Variants in PCGF2 observed in about 807,000 individuals in gnomAD.
The protein encoded by PCGF2 is polycomb group ring finger 2, also known as polycomb group RING finger protein 2.
PCGF2 carries 8 observed loss-of-function variants against 36.1 expected under a neutral mutation model. That is an observed-to-expected ratio of 0.22 (90% CI 0.13 to 0.40). PCGF2 has a LOEUF of 0.40. PCGF2 is among the 10% of genes least tolerant of loss of function. PCGF2 has a pLI of 1.00. For missense variants in PCGF2, 436 were observed against 475.9 expected, an observed-to-expected ratio of 0.92 and a Z score of 0.78; for synonymous variants, 198 against 191.2, an observed-to-expected ratio of 1.04 and a Z score of -0.29.
At chr17:38,735,741 C>T in intron 10 of PCGF2, 141 bp from the exon 11 acceptor site, 1 of 1,174,808 alleles carries the variant, frequency 8.5e-7, no homozygotes. Context: ...AGGAGAGAGA[C>T]AAGGATACAG....
At chr17:38,741,254 G>C (rs1341297044) in intron 2 of PCGF2, among the ~76,000 whole-genome samples, 1 of 151,818 alleles carries the variant, frequency 6.6e-6, no homozygotes, top group Non-Finnish European at 1.5e-5. Flanking sequence ...CTGGGCGACA[G>C]AGCGAGACTC....
At chr17:38,749,678 GCCTC>G, upstream of PCGF2, 1 of 456,064 alleles carries the variant, frequency 2.2e-6, no homozygotes, top group South Asian at 1.5e-5. The surrounding 1 kb of genome is among the most constrained non-coding windows in gnomAD (Gnocchi z 6.5). Context: ...TGGAGCGCCT[GCCTC>G]CTCTTCCCTC....
Position 38,735,154 on chromosome 17 carries a change from A to C in PCGF2, c.*69T>G. 8.3e-7 allele frequency: 1 copy of C among 1,209,638 alleles called. No individual in the cohort carries two copies. Among genetic ancestry groups the C allele is most frequent in the Non-Finnish European group, 1.1e-6 (1 of 933,396 alleles). The allele number at this position is 1,209,638 out of a possible 1,614,324, so 74.9% of individuals were successfully genotyped here. On this transcript the variant is annotated 3_prime_UTR_variant, in exon 11 of 11. Coordinates refer to ENST00000620225, the MANE Select transcript of PCGF2 (RefSeq NM_007144.3). ...GAGCTGGGGAAAGTAGAAGAGGTGG[A>C]AAAAAGGGCCCAGAAAAAGTGGAAG...
chr17:38,749,189 G>A (rs1907759115), upstream of PCGF2, among the ~76,000 whole-genome samples: 1 of 152,366 alleles, frequency 6.6e-6, no homozygotes, highest in African/African-American at 2.4e-5. This position sits in a 1 kb window ranked among gnomAD's most constrained non-coding sequence, Gnocchi z 6.5. Context: ...GAAACGAGGC[G>A]CCGGGCTGTA....
At chr17:38,735,945 C>T in intron 10 of PCGF2, 145 bp downstream of exon 10, 1 of 674,562 alleles carries the variant, frequency 1.5e-6, no homozygotes, top group Non-Finnish European at 2.6e-6. Flanking sequence ...AGAGGCTGAC[C>T]TGCTGTAGCA....
intron 2 of PCGF2, among the ~76,000 whole-genome samples, chr17:38,744,500 C>T (rs1276309739): frequency 3.9e-5 from 6 of 152,258 alleles, no homozygotes; most frequent in African/African-American, 1.4e-4. Flanking sequence ...GGAATACAGG[C>T]GTGTGCCACC....
chr17:38,746,727 G>T (rs1907557009), intron 2 of PCGF2: 1 of 152,324 alleles, frequency 6.6e-6, no homozygotes. Context: ...ACTTCAACTT[G>T]AACCCTACCT....
intron 2 of PCGF2, among the ~76,000 whole-genome samples, chr17:38,743,714 G>A (rs1405821879): frequency 1.3e-5 from 2 of 152,108 alleles, no homozygotes; most frequent in Non-Finnish European, 2.9e-5. Flanking sequence ...GCAGGGCCCT[G>A]CCAGCAGGTG....
rs1598011298 is a variant in PCGF2, at chr17:38,735,145, A to G, written c.*78T>C. 1.8e-6 allele frequency: 2 copies of G among 1,129,536 alleles called. No individual in the cohort carries two copies. The highest frequency in any genetic ancestry group is 6.0e-5 in the East Asian group (2 of 33,422). 70.0% of individuals were successfully genotyped at this position (1,129,536 alleles called of 1,614,324 possible). ...AGGTGGGAAGAGCTGGGGAAAGTAG[A>G]AGAGGTGGAAAAAAGGGCCCAGAAA... On this transcript the variant is annotated 3_prime_UTR_variant, in exon 11 of 11. Coordinates refer to ENST00000620225, the MANE Select transcript of PCGF2 (RefSeq NM_007144.3).
chr17:38,737,280 T>A (rs1321133872), intron 9 of PCGF2, among the ~76,000 whole-genome samples: 1 of 152,060 alleles, frequency 6.6e-6, no homozygotes, highest in Non-Finnish European at 1.5e-5. Flanking sequence ...CTGGCCAACA[T>A]GGTGAAACCC....
intron 9 of PCGF2, 151 bp from the exon 10 acceptor site, chr17:38,736,321 T>C (rs972276289): frequency 3.2e-5 from 21 of 656,352 alleles, no homozygotes; most frequent in Non-Finnish European, 5.3e-5. Flanking sequence ...TTGACTTCCC[T>C]GTCAGAGTTG....
At chr17:38,741,197 G>A (rs917228491) in intron 2 of PCGF2, among the ~76,000 whole-genome samples, 3 of 151,604 alleles carry the variant, frequency 2.0e-5, no homozygotes. Flanking sequence ...CTTGAGTCTG[G>A]GTGGTCGAGG....
At position 38,740,434 on chromosome 17, in the gene PCGF2, A is replaced by T; in HGVS notation, c.-32T>A. 9.6e-7 allele frequency: 1 copy of T among 1,039,624 alleles called. No homozygotes were observed. The highest frequency in any genetic ancestry group is 1.7e-5 in the African/African-American group (1 of 60,136). 64.4% of individuals were successfully genotyped at this position (1,039,624 alleles called of 1,614,324 possible). A position where few individuals can be genotyped will look rare whatever the true frequency, so the allele number is the denominator to read the frequency against. ...GGGGTCGGGGGTGGGGGGACTGGGG[A>T]GCGTTGCCCTGGGAAACGGAAGTGG... On this transcript the variant is annotated 5_prime_UTR_variant, in exon 3 of 11. Coordinates refer to ENST00000620225, the MANE Select transcript of PCGF2 (RefSeq NM_007144.3).
Position 38,739,300 on chromosome 17 carries a change from G to C in PCGF2, c.210-47C>G, listed in dbSNP as rs374299797. On this transcript the variant is annotated intron_variant, in intron 4 of 10. Transcript: ENST00000620225. The surrounding 1 kb of genome is among the most constrained non-coding windows in gnomAD (Gnocchi z 4.0). ...TTATCAGCAATGCCTTCTCCAGAGC[G>C]CTCCGACCTCGCCCTGCTCTCCCAG... The C allele has an allele frequency of 6.5e-7, 1 of 1,548,132 alleles. No homozygotes were observed. The highest frequency in any genetic ancestry group is 1.4e-5 in the African/African-American group (1 of 73,610).
chr17:38,734,997 A>G lies in PCGF2; in HGVS notation c.*226T>C. 2.7e-6 allele frequency: 1 copy of G among 369,712 alleles called. No homozygotes were observed. The highest frequency in any genetic ancestry group is 4.8e-6 in the Non-Finnish European group (1 of 209,210). The allele number at this position is 369,712 out of a possible 1,614,324, so 22.9% of individuals were successfully genotyped here. On this transcript the variant is annotated 3_prime_UTR_variant, in exon 11 of 11. Coordinates refer to ENST00000620225, the MANE Select transcript of PCGF2 (RefSeq NM_007144.3). Reference sequence around the variant, plus strand: ...TTTTCCACACATACACACACACATAAAGTTTGTTTCCTGTGGCATTTAAAT... The same window carrying G: ...TTTTCCACACATACACACACACATAGAGTTTGTTTCCTGTGGCATTTAAAT...
chr17:38,742,002 C>A (rs1236871285), intron 2 of PCGF2, among the ~76,000 whole-genome samples: 1 of 152,184 alleles, frequency 6.6e-6, no homozygotes, highest in African/African-American at 2.4e-5. Context: ...CACAGGCTGT[C>A]CAGTGACAAA....
upstream of PCGF2, among the ~76,000 whole-genome samples, chr17:38,749,095 C>T (rs2143178466): frequency 6.6e-6 from 1 of 152,300 alleles, no homozygotes; most frequent in East Asian, 1.9e-4. This position sits in a 1 kb window ranked among gnomAD's most constrained non-coding sequence, Gnocchi z 6.5. Context: ...CAGAGAAGAA[C>T]GGAGGCCCGC....
Position 38,739,214 on chromosome 17 carries a change from G to A in PCGF2, c.249C>T (p.Val83=). Residue 83 remains valine (V), a synonymous_variant, in exon 5 of 11, where the codon GTC becomes GTT. Transcript: ENST00000620225. This position sits in a 1 kb window ranked among gnomAD's most constrained non-coding sequence, Gnocchi z 4.0. Reference sequence around the variant, plus strand: ...TGCAGATACCTTTAAAAAGCCCAGGGACCAATTTGTAGACAATGTCTTGAA... The same window carrying A: ...TGCAGATACCTTTAAAAAGCCCAGGAACCAATTTGTAGACAATGTCTTGAA... The part of the protein sequence containing the change: ...KTLQDIVYKL[V]PGLFKDEMKR... The A allele has an allele frequency of 6.2e-7, 1 of 1,614,132 alleles. No homozygotes were observed. The highest frequency in any genetic ancestry group is 1.1e-5 in the South Asian group (1 of 91,076).
intron 2 of PCGF2, among the ~76,000 whole-genome samples, chr17:38,744,474 A>G (rs1049648527): frequency 2.3e-4 from 35 of 151,560 alleles, no homozygotes; most frequent in African/African-American, 7.8e-4. Flanking sequence ...TCCTGCCTCA[A>G]CCTCCCAAGT....
Sources: allele counts gnomAD v4.1 joint callset (sites outside exome capture counted in the v4.1 genomes callset), GRCh38; gene constraint gnomAD v4.1.1; non-coding constraint Gnocchi (gnomAD v3.1); transcripts MANE v1.5; gene names NCBI Gene and HGNC (gene_info 2026-07-23, HGNC 2026-07-21).